The following DGKG variants were observed in gnomAD, a reference collection of about 807,000 sequenced individuals.
DGKG encodes the protein DAG kinase gamma.
DGKG carries 78 observed loss-of-function variants against 105.3 expected under a neutral mutation model. That is an observed-to-expected ratio of 0.74 (90% confidence interval 0.62 to 0.89). DGKG has a LOEUF of 0.89. Ranked by LOEUF, DGKG falls within the 40% of genes least tolerant of loss-of-function variation. The pLI, the probability that DGKG is intolerant of heterozygous loss-of-function variation, is 0.00. For synonymous variants in DGKG, 346 were observed against 367.1 expected, an observed-to-expected ratio of 0.94 and a Z score of 0.66; for missense variants, 958 against 1,020.1, an observed-to-expected ratio of 0.94 and a Z score of 0.83.
At chr3:186,346,013 TGCCTCG>T (rs1726315062) in intron 1 of DGKG, among the ~76,000 whole-genome samples, 2 of 152,190 alleles carry the variant, frequency 1.3e-5, no homozygotes, top group African/African-American at 4.8e-5. Flanking sequence ...ATGATCCACC[TGCCTCG>T]GCCTCCCAAA....
At position 186,183,508 on chromosome 3, in the gene DGKG, G is replaced by C. The variant is rs1204172764; in HGVS notation, c.2095+4694C>G. On this transcript the variant is annotated intron_variant, in intron 22 of 24. Transcript: ENST00000265022. ...CATGTAGCTAAGAACCTTTCTTGGG[G>C]GGGGGCGGGGTAACTACTTGAGGCC... 6.7e-3 allele frequency among the ~76,000 whole-genome samples: 1,011 copies of C among 152,024 alleles called. 13 individuals carry two copies. Among genetic ancestry groups the C allele is most frequent in the African/African-American group, 0.023 (969 of 41,430 alleles).
chr3:186,259,951 G>A (rs10937246), intron 16 of DGKG, among the ~76,000 whole-genome samples: 80,729 of 152,000 alleles, frequency 0.53, 23,445 homozygotes, highest in East Asian at 0.75. Flanking sequence ...AAACAAAAGT[G>A]ATTCCATTGA....
At chr3:186,236,768 T>C (rs1037532352) in intron 20 of DGKG, among the ~76,000 whole-genome samples, 1 of 152,242 alleles carries the variant, frequency 6.6e-6, no homozygotes, top group Non-Finnish European at 1.5e-5. Flanking sequence ...CTAGTAGGAA[T>C]GAAGCACTGC....
At chr3:186,310,215 C>T (rs948477493) in intron 2 of DGKG, among the ~76,000 whole-genome samples, 5 of 138,830 alleles carry the variant, frequency 3.6e-5, no homozygotes, top group East Asian at 2.1e-4. Context: ...TGCAATGAGC[C>T]GAGACCGCAC....
chr3:186,158,390 A>T, intron 24 of DGKG: 1 of 983,336 alleles, frequency 1.0e-6, no homozygotes, highest in South Asian at 4.7e-5. Context: ...GTAATCTACC[A>T]TGGTGGCTTT....
At chr3:186,216,428 G>C (rs1335823618) in intron 20 of DGKG, among the ~76,000 whole-genome samples, 1 of 152,098 alleles carries the variant, frequency 6.6e-6, no homozygotes, top group Non-Finnish European at 1.5e-5. Context: ...TTTTTGGCTA[G>C]AAGTGAATGC....
At chr3:186,180,584 G>A (rs1372847351) in intron 22 of DGKG, among the ~76,000 whole-genome samples, 2 of 152,130 alleles carry the variant, frequency 1.3e-5, no homozygotes, top group Non-Finnish European at 2.9e-5. Flanking sequence ...TCGGAAGAGT[G>A]GTGGCTGATC....
chr3:186,242,826 C>G (rs1720753660), intron 19 of DGKG, among the ~76,000 whole-genome samples: 1 of 152,106 alleles, frequency 6.6e-6, no homozygotes, highest in Admixed American at 6.5e-5. Flanking sequence ...CTAGCCCGGA[C>G]CCGCTGAGAA....
chr3:186,192,627 T>C (rs986928209), intron 21 of DGKG, among the ~76,000 whole-genome samples: 10 of 152,246 alleles, frequency 6.6e-5, no homozygotes, highest in East Asian at 5.8e-4. Flanking sequence ...CTCTACAAGA[T>C]GGCAGAGCCA....
intron 2 of DGKG, among the ~76,000 whole-genome samples, chr3:186,310,937 T>C (rs1405831273): frequency 2.0e-5 from 2 of 98,156 alleles, no homozygotes; most frequent in Non-Finnish European, 2.1e-5. Context: ...GGAATTTAAG[T>C]GATTCTTTCA....
At chr3:186,152,976 T>A (rs1715842112) in intron 24 of DGKG, among the ~76,000 whole-genome samples, 1 of 151,322 alleles carries the variant, frequency 6.6e-6, no homozygotes, top group South Asian at 2.1e-4. Flanking sequence ...TTTTTTTTTT[T>A]TTTTTATTTA....
intron 21 of DGKG, among the ~76,000 whole-genome samples, chr3:186,208,200 C>T (rs940704043): frequency 2.6e-5 from 4 of 152,074 alleles, no homozygotes; most frequent in Admixed American, 1.3e-4. Context: ...CACCACCACA[C>T]CCGGCTAATT....
chr3:186,345,915 C>G (rs919462843), intron 1 of DGKG, among the ~76,000 whole-genome samples: 1 of 152,028 alleles, frequency 6.6e-6, no homozygotes, highest in Non-Finnish European at 1.5e-5. Context: ...ATTACAGGTG[C>G]CCGCCACCAC....
chr3:186,327,293 T>C (rs1725387394), intron 1 of DGKG, among the ~76,000 whole-genome samples: 1 of 152,150 alleles, frequency 6.6e-6, no homozygotes, highest in South Asian at 2.1e-4. Context: ...TTCCTGTGTT[T>C]AGTTTTGCAC....
chr3:186,213,865 A>C (rs1578674409), intron 20 of DGKG, among the ~76,000 whole-genome samples: 1 of 152,226 alleles, frequency 6.6e-6, no homozygotes, highest in Non-Finnish European at 1.5e-5. Context: ...GAAGGAGAGA[A>C]TTCTCCAGGG....
chr3:186,173,291 CTG>C (rs1321574919), intron 22 of DGKG, among the ~76,000 whole-genome samples: 1 of 152,214 alleles, frequency 6.6e-6, no homozygotes, highest in Non-Finnish European at 1.5e-5. Flanking sequence ...CCCTACTTCA[CTG>C]TGTTATTTTG....
chr3:186,271,489 G>A (rs902148239), intron 11 of DGKG, among the ~76,000 whole-genome samples: 2 of 151,964 alleles, frequency 1.3e-5, no homozygotes. Context: ...GGCCCTCAGC[G>A]CAGTACTGCC....
At chr3:186,319,398 T>C (rs1724973094) in intron 2 of DGKG, among the ~76,000 whole-genome samples, 1 of 152,152 alleles carries the variant, frequency 6.6e-6, no homozygotes, top group South Asian at 2.1e-4. Flanking sequence ...CTGAACTGGA[T>C]TCCCTGACTC....
chr3:186,185,759 T>A (rs1337838953), intron 22 of DGKG, among the ~76,000 whole-genome samples: 1 of 152,114 alleles, frequency 6.6e-6, no homozygotes, highest in African/African-American at 2.4e-5. Flanking sequence ...ATTATTCAGC[T>A]TTATACACTG....
Sources: allele counts gnomAD v4.1 joint callset (sites outside exome capture counted in the v4.1 genomes callset), GRCh38; gene constraint gnomAD v4.1.1; transcripts MANE v1.5; gene names NCBI Gene and HGNC (gene_info 2026-07-23, HGNC 2026-07-21).